The following NPIPB15 variants were observed in gnomAD, a reference collection of about 807,000 sequenced individuals.
The protein encoded by NPIPB15 is nuclear pore complex-interacting protein family member B15.
In NPIPB15, 5 loss-of-function variants were observed where a neutral mutation model predicts 35.9. That is an observed-to-expected ratio of 0.14 (90% CI 0.07 to 0.29). The LOEUF is 0.29. Ranked by LOEUF, NPIPB15 falls within the 10% of genes least tolerant of loss-of-function variation. The probability of loss-of-function intolerance (pLI) is 1.00; values close to 1 mark genes in which losing one functional copy is unlikely to be tolerated. For missense variants in NPIPB15, 100 were observed against 506.1 expected, an observed-to-expected ratio of 0.20 and a Z score of 7.70; for synonymous variants, 43 against 182.0, an observed-to-expected ratio of 0.24 and a Z score of 6.15.
At chr16:74,386,118 G>T (rs1233763404) in intron 5 of NPIPB15, among the ~76,000 whole-genome samples, 2 of 114,858 alleles carry the variant, frequency 1.7e-5, no homozygotes, top group Non-Finnish European at 3.5e-5. Flanking sequence ...CCAAGTAGCT[G>T]GGATTACAGG....
At chr16:74,391,204 C>A (rs1412282226) in intron 7 of NPIPB15, 187 bp from the exon 8 acceptor site, 2 of 985,336 alleles carry the variant, frequency 2.0e-6, no homozygotes, top group East Asian at 2.3e-4. Context: ...TTTCTTTACT[C>A]CCCAGCTGTC....
rs1307178952 is a variant in NPIPB15 at position 74,377,209 on chromosome 16, G to A, written c.-160G>A. ...ACCTGGCACTCTGCTTGGGTATGAAGTTCTTCCTGCCATCCTGCCATCATT... is the reference window on the plus strand; with the variant it reads ...ACCTGGCACTCTGCTTGGGTATGAAATTCTTCCTGCCATCCTGCCATCATT... On this transcript the variant is annotated 5_prime_UTR_variant, in exon 1 of 8. Transcript: ENST00000692376. Among the ~76,000 whole-genome samples the A allele has an allele frequency of 7.1e-6, 1 of 141,380 alleles. No homozygotes were observed. Among genetic ancestry groups the A allele is most frequent in the Non-Finnish European group, 1.5e-5 (1 of 65,662 alleles). The allele number at this position is 141,380 out of a possible 152,430, so 92.8% of individuals were successfully genotyped here.
chr16:74,382,905 GCTTTT>G (rs1423069006), intron 3 of NPIPB15, among the ~76,000 whole-genome samples: 1,453 of 131,950 alleles, frequency 0.011, no homozygotes, highest in African/African-American at 0.038. Context: ...ATTGGAGGAA[GCTTTT>G]TTTTTTTTTT....
chr16:74,384,955 A>ATACG (rs1325564220), intron 3 of NPIPB15, among the ~76,000 whole-genome samples: 1 of 147,580 alleles, frequency 6.8e-6, no homozygotes, highest in Non-Finnish European at 1.5e-5. Context: ...TGCTGGGATT[A>ATACG]CAGGAGTGAG....
rs199888896 is a variant in NPIPB15 at position 74,384,991 on chromosome 16, TTGTGTGTGTGTGTGTGTGTGTG to T, written c.250-328_250-307del. On this transcript the variant is annotated intron_variant, in intron 3 of 7. Transcript: ENST00000692376. ...TCACCGTGCCAGCCTCATGTCATTC[TTGTGTGTGTGTGTGTGTGTGTG>T]TGTGTGTGTGTGTGTGTGTGTGACA... is the stretch of plus-strand genomic sequence containing the variant. 2.7e-3 allele frequency among the ~76,000 whole-genome samples: 256 copies of T among 93,510 alleles called. 1 individual carries two copies. Among genetic ancestry groups the T allele is most frequent in the South Asian group, 7.2e-3 (17 of 2,368 alleles). The allele number at this position is 93,510 out of a possible 152,430, so 61.3% of individuals were successfully genotyped here. A position where few individuals can be genotyped will look rare whatever the true frequency, so the allele number is the denominator to read the frequency against.
chr16:74,389,751 C>G (rs1249739536), intron 5 of NPIPB15, 74 bp from the exon 6 acceptor site: 2 of 890,858 alleles, frequency 2.2e-6, no homozygotes, highest in Admixed American at 4.7e-5. Flanking sequence ...GTGAGGATAA[C>G]AGAAACATGG....
intron 2 of NPIPB15, among the ~76,000 whole-genome samples, chr16:74,378,601 A>G (rs1447201574): frequency 6.7e-6 from 1 of 148,698 alleles, no homozygotes; most frequent in South Asian, 2.1e-4. Context: ...TTTAGTAGAG[A>G]CGGGGTTTTA....
At chr16:74,385,051 G>C (rs1320335282) in intron 3 of NPIPB15, among the ~76,000 whole-genome samples, 3 of 143,240 alleles carry the variant, frequency 2.1e-5, no homozygotes, top group Non-Finnish European at 4.5e-5. Context: ...GTCTCATTCT[G>C]TCGCTCAGGC....
At chr16:74,378,971 TG>T (rs1317431097) in intron 2 of NPIPB15, among the ~76,000 whole-genome samples, 3 of 152,010 alleles carry the variant, frequency 2.0e-5, no homozygotes, top group African/African-American at 7.2e-5. Context: ...CAGCTAATTT[TG>T]TATTTTTAGT....
intron 2 of NPIPB15, among the ~76,000 whole-genome samples, chr16:74,381,147 C>T (rs1486926529): frequency 1.6e-5 from 1 of 62,758 alleles, no homozygotes; most frequent in Non-Finnish European, 3.0e-5. Flanking sequence ...AACTCTGTCT[C>T]CAAAAAAAAA....
chr16:74,378,688 G>T (rs1159893188), intron 2 of NPIPB15, among the ~76,000 whole-genome samples: 1 of 150,656 alleles, frequency 6.6e-6, no homozygotes, highest in Non-Finnish European at 1.5e-5. Context: ...GGGATTACAG[G>T]CGTGAACCAC....
intron 3 of NPIPB15, among the ~76,000 whole-genome samples, chr16:74,383,195 T>C (rs1350231274): frequency 6.9e-5 from 10 of 145,872 alleles, no homozygotes; most frequent in Non-Finnish European, 1.1e-4. Context: ...GTGCTGGGAT[T>C]ACAAGCGTGA....
At chr16:74,379,617 T>A in intron 2 of NPIPB15, among the ~76,000 whole-genome samples, 1 of 148,166 alleles carries the variant, frequency 6.7e-6, no homozygotes, top group Non-Finnish European at 1.5e-5. Context: ...TGAGACAGAG[T>A]CTCGCTCTGT....
chr16:74,382,860 G>A (rs1378514693), intron 3 of NPIPB15, among the ~76,000 whole-genome samples: 6 of 150,482 alleles, frequency 4.0e-5, no homozygotes, highest in Admixed American at 2.0e-4. Context: ...CATTCTCTAT[G>A]CCACTTAGTC....
intron 7 of NPIPB15, chr16:74,390,998 T>C (rs1448987296): frequency 1.6e-6 from 1 of 621,364 alleles, no homozygotes; most frequent in Non-Finnish European, 2.0e-6. Context: ...TTACTGTCTG[T>C]TGACCTGGTG....
chr16:74,388,010 C>A (rs796725086), intron 5 of NPIPB15, among the ~76,000 whole-genome samples: 271 of 151,656 alleles, frequency 1.8e-3, no homozygotes, highest in South Asian at 0.011. Flanking sequence ...GGATGGTTTG[C>A]CGTTGTCACC....
rs1374763515 is a variant in NPIPB15, at chr16:74,376,588, C to A, written c.-781C>A. Among the ~76,000 whole-genome samples the A allele has an allele frequency of 6.7e-4, 102 of 151,806 alleles. No individual in the cohort carries two copies. The highest frequency in any genetic ancestry group is 8.2e-4 in the Non-Finnish European group (56 of 67,990). ...TCCCTGAGAGGTCAATGATGAAGGT[C>A]AACTTGGTTTTCTCCCCCTCATTTG... On this transcript the variant is annotated 5_prime_UTR_variant, in exon 1 of 8. Coordinates refer to ENST00000692376, the MANE Select transcript of NPIPB15 (RefSeq NM_001306094.2).
At chr16:74,382,797 A>G (rs2012062243) in intron 3 of NPIPB15, among the ~76,000 whole-genome samples, 1 of 151,956 alleles carries the variant, frequency 6.6e-6, no homozygotes, top group Non-Finnish European at 1.5e-5. Flanking sequence ...GCCTTTCAAG[A>G]TATGTAGAAA....
At chr16:74,387,604 CAGG>C (rs1414884103) in intron 5 of NPIPB15, among the ~76,000 whole-genome samples, 1 of 150,724 alleles carries the variant, frequency 6.6e-6, no homozygotes, top group East Asian at 2.0e-4. Flanking sequence ...AAGTGCACAG[CAGG>C]AGTAGTGATG....
Sources: gnomAD v4.1 joint callset for allele counts (sites outside exome capture counted in the v4.1 genomes callset) on GRCh38, gnomAD v4.1.1 for gene constraint, MANE v1.5 for transcripts, NCBI Gene and HGNC (gene_info 2026-07-23, HGNC 2026-07-21) for gene names.